Variants in PBX1 observed in about 807,000 individuals in gnomAD.
PBX1 encodes the protein pre-B-cell leukemia transcription factor 1.
Under a neutral mutation model 53.4 loss-of-function variants are expected in PBX1, and 6 were observed. That is an observed-to-expected ratio of 0.11 (90% CI 0.06 to 0.22). PBX1 has a LOEUF of 0.22. Ranked by LOEUF, PBX1 falls within the 10% of genes least tolerant of loss-of-function variation. The probability of loss-of-function intolerance (pLI) is 1.00; values close to 1 mark genes in which losing one functional copy is unlikely to be tolerated. For synonymous variants in PBX1, 204 were observed against 212.3 expected, an observed-to-expected ratio of 0.96 and a Z score of 0.34; for missense variants, 251 against 551.4, an observed-to-expected ratio of 0.46 and a Z score of 5.46.
chr1:164,875,988 G>GTATATATATATATATA (rs369277110), intron 2 of PBX1, among the ~76,000 whole-genome samples: 1,892 of 56,430 alleles, frequency 0.034, 210 homozygotes, highest in Non-Finnish European at 0.056. Flanking sequence ...TGGTGTATGT[G>GTATATATATATATATA]TATATATATA....
intron 8 of PBX1, among the ~76,000 whole-genome samples, chr1:164,846,155 A>G (rs1671559963): frequency 6.6e-6 from 1 of 152,164 alleles, no homozygotes; most frequent in South Asian, 2.1e-4. Context: ...AAAGAACCCT[A>G]GAAAGCATTT....
intron 3 of PBX1, 81 bp downstream of exon 3, chr1:164,792,819 G>A: frequency 9.3e-7 from 1 of 1,071,946 alleles, no homozygotes; most frequent in East Asian, 2.5e-5. Flanking sequence ...CTTGCAGAGA[G>A]GAGCGGCTCA....
At chr1:164,682,014 T>G (rs1661803911) in intron 2 of PBX1, 1 of 152,204 alleles carries the variant, frequency 6.6e-6, no homozygotes, top group South Asian at 2.1e-4. Context: ...ATAGCACCTT[T>G]AAGTATTTCT....
intron 8 of PBX1, among the ~76,000 whole-genome samples, chr1:164,834,498 C>G (rs190481353): frequency 0.019 from 2,909 of 152,078 alleles, 107 homozygotes; most frequent in African/African-American, 0.064. Flanking sequence ...CATGCCCCAC[C>G]ACGCCTGGCT....
At chr1:164,621,135 C>T (rs757576970) in intron 2 of PBX1, among the ~76,000 whole-genome samples, 1 of 152,148 alleles carries the variant, frequency 6.6e-6, no homozygotes, top group African/African-American at 2.4e-5. Context: ...ACTACAGGCG[C>T]GTGACACCAT....
intron 8 of PBX1, among the ~76,000 whole-genome samples, chr1:164,845,454 A>T (rs1053287906): frequency 4.6e-5 from 7 of 152,176 alleles, no homozygotes; most frequent in African/African-American, 1.7e-4. Flanking sequence ...AATAGAAAAC[A>T]TTTTACCAGG....
rs968154812 is a variant in PBX1 at position 164,850,479 on chromosome 1, T to A, written c.*3803T>A. 19 of 190,702 alleles carry A rather than the reference T, an allele frequency of 1.0e-4. No homozygotes were observed. Among genetic ancestry groups the A allele is most frequent in the East Asian group, 4.9e-4 (6 of 12,230 alleles). 11.8% of individuals were successfully genotyped at this position (190,702 alleles called of 1,614,324 possible). ...GCTCTTAAAAATACAAAAAAAAAAA[T>A]GTTTTGTTTTGTGTTATTTTTGGTT... On this transcript the variant is annotated 3_prime_UTR_variant, in exon 9 of 9. Transcript: ENST00000420696.
chr1:164,884,304 G>C (rs1465587770), intron 2 of PBX1, among the ~76,000 whole-genome samples: 1 of 152,112 alleles, frequency 6.6e-6, no homozygotes, highest in African/African-American at 2.4e-5. Context: ...TGAATGAAAA[G>C]TGGCTTCAAT....
At chr1:164,797,128 T>A (rs574762797) in intron 3 of PBX1, among the ~76,000 whole-genome samples, 1 of 152,356 alleles carries the variant, frequency 6.6e-6, no homozygotes, top group South Asian at 2.1e-4. Flanking sequence ...GACCCCACTG[T>A]CTGTTTATTG....
Position 164,863,587 on chromosome 1 carries a change from A to G in PBX1, n.257+32104A>G, listed in dbSNP as rs1440163342. On this transcript the variant is annotated intron_variant and non_coding_transcript_variant, in intron 2 of 2. Coordinates refer to the PBX1 transcript ENST00000558796. ...AAGATATGTGATCCTATGAGAGCCT[A>G]TAGTAAAGAGAATTGAATTTGTCAA... is the stretch of plus-strand genomic sequence containing the variant. Among the ~76,000 whole-genome samples the G allele has an allele frequency of 2.6e-5, 4 of 152,224 alleles. 1 individual carries two copies. Among genetic ancestry groups the G allele is most frequent in the Non-Finnish European group, 4.4e-5 (3 of 68,032 alleles).
chr1:164,727,012 C>T (rs990490149), intron 2 of PBX1, among the ~76,000 whole-genome samples: 2 of 152,128 alleles, frequency 1.3e-5, no homozygotes, highest in Non-Finnish European at 2.9e-5. Context: ...TATTTTTGAT[C>T]ACTTCATTTT....
rs115376299 is a variant in PBX1 at position 164,662,733 on chromosome 1, T to A, written c.265+99422T>A. Among the ~76,000 whole-genome samples the A allele has an allele frequency of 7.2e-3, 1,092 of 152,258 alleles. 13 individuals are homozygous for A. The highest frequency in any genetic ancestry group is 0.025 in the African/African-American group (1,044 of 41,552). On this transcript the variant is annotated intron_variant, in intron 2 of 8. Transcript: ENST00000420696. The stretch of plus-strand genomic sequence containing the variant: ...AGCACTTGTCTTTCCCGTAATTGCC[T>A]AGAGTTTGGTAGCTTCGTTGTTACA...
At chr1:164,653,345 CTTG>C (rs767971105) in intron 2 of PBX1, among the ~76,000 whole-genome samples, 8 of 148,828 alleles carry the variant, frequency 5.4e-5, no homozygotes, top group South Asian at 4.2e-4. Flanking sequence ...TCCAGTCTCA[CTTG>C]TTTTTTTTTT....
At chr1:164,605,705 G>A (rs1192706732) in intron 2 of PBX1, among the ~76,000 whole-genome samples, 1 of 152,206 alleles carries the variant, frequency 6.6e-6, no homozygotes, top group African/African-American at 2.4e-5. Flanking sequence ...ATTTAAATGT[G>A]TAGGGTGCTG....
intron 2 of PBX1, among the ~76,000 whole-genome samples, chr1:164,668,732 C>T (rs1465132668): frequency 2.6e-5 from 4 of 152,220 alleles, no homozygotes; most frequent in Admixed American, 1.3e-4. Flanking sequence ...ACCGGCTCCT[C>T]GCGCCAATGT....
intron 4 of PBX1, among the ~76,000 whole-genome samples, chr1:164,803,337 C>A (rs540540173): frequency 1.5e-4 from 23 of 152,240 alleles, no homozygotes; most frequent in African/African-American, 5.3e-4. Context: ...AGAGAGAGGG[C>A]CTAAAATACT....
intron 2 of PBX1, among the ~76,000 whole-genome samples, chr1:164,709,080 G>A (rs1346270287): frequency 1.3e-5 from 2 of 152,144 alleles, no homozygotes; most frequent in East Asian, 3.9e-4. Flanking sequence ...AAGTAGTCAC[G>A]GTACTCATGG....
chr1:164,640,974 G>A (rs1659108721), intron 2 of PBX1: 1 of 152,628 alleles, frequency 6.6e-6, no homozygotes, highest in African/African-American at 2.4e-5. Context: ...AGCTGTCAAA[G>A]TTATAGCTTC....
intron 2 of PBX1, among the ~76,000 whole-genome samples, chr1:164,635,496 C>G (rs186908652): frequency 6.6e-6 from 1 of 152,240 alleles, no homozygotes; most frequent in African/African-American, 2.4e-5. Context: ...AACTGTCACT[C>G]GACAGGCGTT....
Sources: gnomAD v4.1 joint callset for allele counts (sites outside exome capture counted in the v4.1 genomes callset) on GRCh38, gnomAD v4.1.1 for gene constraint, MANE v1.5 for transcripts, NCBI Gene and HGNC (gene_info 2026-07-23, HGNC 2026-07-21) for gene names.